Variants in GPHN observed in about 807,000 individuals in gnomAD.
GPHN encodes gephyrin.
GPHN carries 17 observed loss-of-function variants against 95.5 expected under a neutral mutation model. The observed-to-expected ratio is 0.18, with a 90% CI of 0.12 to 0.27. GPHN has a LOEUF of 0.27. Among genes scored for constraint, GPHN ranks in the 10% least tolerant of loss-of-function variants. GPHN has a pLI of 1.00. For synonymous variants in GPHN, 320 were observed against 322.5 expected, an observed-to-expected ratio of 0.99 and a Z score of 0.08; for missense variants, 660 against 978.1, an observed-to-expected ratio of 0.67 and a Z score of 4.34.
chr14:67,114,309 G>T (rs1447115860), intron 16 of GPHN, among the ~76,000 whole-genome samples: 1 of 152,086 alleles, frequency 6.6e-6, no homozygotes, highest in African/African-American at 2.4e-5. Flanking sequence ...TGTTAAACTG[G>T]TTGACTCAGT....
intron 10 of GPHN, among the ~76,000 whole-genome samples, chr14:67,030,759 A>G (rs1785886830): frequency 6.6e-6 from 1 of 152,070 alleles, no homozygotes; most frequent in African/African-American, 2.4e-5. Context: ...ACTCCACCCT[A>G]AGCATCTTGC....
rs572561807 is a variant in GPHN, at chr14:66,918,200, GGAACTTCTGTTGTCCTCTCTCTTTGGA to G, written c.456+2134_456+2160del. Among the ~76,000 whole-genome samples, 337 of 152,288 alleles carry G rather than the reference GGAACTTCTGTTGTCCTCTCTCTTTGGA, an allele frequency of 2.2e-3. 1 individual carries two copies. The highest frequency in any genetic ancestry group is 0.018 in the South Asian group (88 of 4,830). On this transcript the variant is annotated intron_variant, in intron 6 of 22. Coordinates refer to ENST00000478722, the MANE Select transcript of GPHN (RefSeq NM_020806.5). ...AGAGTCTAACAGAAGTAACAAATGA[GGAACTTCTGTTGTCCTCTCTCTTTGGA>G]GACATGGACATGTCACCCTTCTGGC...
the GPHN span, among the ~76,000 whole-genome samples, chr14:67,514,875 T>C: frequency 7.2e-5 from 11 of 152,072 alleles, no homozygotes; most frequent in Admixed American, 7.2e-4. Context: ...GCACCACCTA[T>C]CTAATCTGCG....
At chr14:66,755,557 C>G (rs2058526844) in intron 2 of GPHN, among the ~76,000 whole-genome samples, 2 of 152,002 alleles carry the variant, frequency 1.3e-5, no homozygotes, top group South Asian at 4.1e-4. Context: ...CCATTATTTT[C>G]TGGTGATTTT....
chr14:66,864,369 T>C (rs1042832248), intron 4 of GPHN, among the ~76,000 whole-genome samples: 1 of 152,152 alleles, frequency 6.6e-6, no homozygotes, highest in Non-Finnish European at 1.5e-5. Context: ...TTGGTAGGAA[T>C]GTTAAGTTAG....
chr14:66,760,214 A>T (rs2058709931), intron 2 of GPHN, among the ~76,000 whole-genome samples: 2 of 152,220 alleles, frequency 1.3e-5, no homozygotes, highest in South Asian at 4.1e-4. Flanking sequence ...AATGCCTAGC[A>T]CATAATAAGT....
chr14:67,339,269 T>C, the GPHN span, among the ~76,000 whole-genome samples: 1 of 152,158 alleles, frequency 6.6e-6, no homozygotes, highest in East Asian at 1.9e-4. Flanking sequence ...AGTGCTGGGA[T>C]TACAGGCATG....
chr14:66,905,726 C>G (rs1271412112), intron 5 of GPHN, among the ~76,000 whole-genome samples: 1 of 152,074 alleles, frequency 6.6e-6, no homozygotes, highest in African/African-American at 2.4e-5. Context: ...TTGCCCCGCT[C>G]CCTCTCTCAT....
the GPHN span, chr14:67,381,485 T>G: frequency 1.3e-6 from 1 of 769,312 alleles, no homozygotes; most frequent in Non-Finnish European, 2.2e-6. Flanking sequence ...GAGGTTGGAT[T>G]CAGTATAAGT....
intron 1 of GPHN, among the ~76,000 whole-genome samples, chr14:66,654,180 C>T (rs2065192543): frequency 6.6e-6 from 1 of 152,036 alleles, no homozygotes; most frequent in Non-Finnish European, 1.5e-5. Context: ...GACAGTCTTG[C>T]TCTGTCACCC....
chr14:66,557,278 T>TAGAA (rs1414118713), intron 1 of GPHN, among the ~76,000 whole-genome samples: 2 of 149,360 alleles, frequency 1.3e-5, no homozygotes, highest in African/African-American at 4.9e-5. Flanking sequence ...GATAGATAGA[T>TAGAA]AGATAGAATG....
the GPHN span, chr14:67,515,176 G>C: frequency 6.6e-6 from 1 of 152,302 alleles, no homozygotes; most frequent in African/African-American, 2.4e-5. Flanking sequence ...TCCAGGGCTG[G>C]CTCCCGCTCC....
chr14:66,986,052 T>C (rs1451176722), intron 9 of GPHN, among the ~76,000 whole-genome samples: 1 of 152,148 alleles, frequency 6.6e-6, no homozygotes, highest in Non-Finnish European at 1.5e-5. Context: ...TTGATGTCAC[T>C]GTGTGTTAAG....
chr14:66,617,889 C>T (rs1273038165), intron 1 of GPHN, among the ~76,000 whole-genome samples: 1 of 152,034 alleles, frequency 6.6e-6, no homozygotes, highest in Admixed American at 6.5e-5. Context: ...TAATAACTGG[C>T]TTTAATGTGC....
intron 4 of GPHN, among the ~76,000 whole-genome samples, chr14:66,866,171 A>G (rs1288987899): frequency 6.6e-6 from 1 of 152,132 alleles, no homozygotes; most frequent in African/African-American, 2.4e-5. Context: ...GTATAGTATT[A>G]TTAACTATAG....
At chr14:67,323,259 G>GTATATATA in the GPHN span, among the ~76,000 whole-genome samples, 103 of 125,204 alleles carry the variant, frequency 8.2e-4, no homozygotes, top group East Asian at 9.2e-3. Flanking sequence ...GTGTGTGTGT[G>GTATATATA]TGTATATATA....
chr14:67,349,183 T>A, the GPHN span: 1 of 1,342,070 alleles, frequency 7.5e-7, no homozygotes, highest in South Asian at 1.2e-5. Context: ...AGTTTTAACA[T>A]TAAATGAGAC....
At chr14:67,459,416 C>T in the GPHN span, among the ~76,000 whole-genome samples, 2 of 152,220 alleles carry the variant, frequency 1.3e-5, no homozygotes, top group Non-Finnish European at 2.9e-5. Context: ...CTTCATGGAA[C>T]TTCTGAGCTT....
the GPHN span, among the ~76,000 whole-genome samples, chr14:67,304,300 A>AG: frequency 6.6e-6 from 1 of 152,184 alleles, no homozygotes; most frequent in East Asian, 1.9e-4. Context: ...CAAAGTATAT[A>AG]TCCAAAAGGA....
Sources: gnomAD v4.1 joint callset for allele counts (sites outside exome capture counted in the v4.1 genomes callset) on GRCh38, gnomAD v4.1.1 for gene constraint, MANE v1.5 for transcripts, NCBI Gene and HGNC (gene_info 2026-07-23, HGNC 2026-07-21) for gene names.